VPS53: variants seen among roughly 807,000 people sequenced by gnomAD.
The protein encoded by VPS53 is vacuolar protein sorting-associated protein 53 homolog.
VPS53 carries 70 observed loss-of-function variants against 107.0 expected under a neutral mutation model. The observed-to-expected ratio is 0.65, with a 90% confidence interval of 0.54 to 0.80. VPS53 has a LOEUF of 0.80. Among genes scored for constraint, VPS53 ranks in the 30% least tolerant of loss-of-function variants. VPS53 has a pLI of 0.00. For synonymous variants in VPS53, 409 were observed against 393.3 expected, an observed-to-expected ratio of 1.04 and a Z score of -0.47; for missense variants, 917 against 1,049.4, an observed-to-expected ratio of 0.87 and a Z score of 1.74.
At chr17:552,154 A>C (rs978128568) in intron 16 of VPS53, among the ~76,000 whole-genome samples, 2 of 152,182 alleles carry the variant, frequency 1.3e-5, no homozygotes, top group African/African-American at 4.8e-5. Flanking sequence ...AGGATATAGA[A>C]TCCCACGGTC....
intron 17 of VPS53, chr17:539,250 T>C (rs1910387033): frequency 6.6e-6 from 1 of 152,264 alleles, no homozygotes; most frequent in Non-Finnish European, 1.5e-5. Flanking sequence ...AAAGCAGCTC[T>C]GAAGCAAGAC....
chr17:545,742 C>G (rs1911131893), intron 17 of VPS53, among the ~76,000 whole-genome samples: 1 of 152,158 alleles, frequency 6.6e-6, no homozygotes. Flanking sequence ...ACACAGCCCT[C>G]AAGTTGTTCA....
chr17:647,802 T>C (rs973963822), intron 7 of VPS53, among the ~76,000 whole-genome samples: 5 of 152,128 alleles, frequency 3.3e-5, no homozygotes, highest in Admixed American at 2.0e-4. Context: ...AAGATTTTCA[T>C]GAAAATCCAA....
chr17:710,814 G>A (rs762668701), intron 1 of VPS53, among the ~76,000 whole-genome samples: 40 of 151,912 alleles, frequency 2.6e-4, no homozygotes, highest in Non-Finnish European at 4.3e-4. Flanking sequence ...TGGTGTTGGC[G>A]CACACCTGTA....
chr17:713,442 C>T (rs1312149682), intron 1 of VPS53, among the ~76,000 whole-genome samples: 1 of 151,668 alleles, frequency 6.6e-6, no homozygotes, highest in Non-Finnish European at 1.5e-5. Context: ...AGCCTGAGGT[C>T]AGGAGTTCAA....
intron 11 of VPS53, among the ~76,000 whole-genome samples, chr17:617,080 G>A (rs918258055): frequency 5.5e-4 from 83 of 152,262 alleles, no homozygotes; most frequent in African/African-American, 1.6e-3. Flanking sequence ...CCTATTTCCC[G>A]TCCGGTTATC....
intron 7 of VPS53, among the ~76,000 whole-genome samples, chr17:634,666 A>G (rs1456431601): frequency 1.3e-5 from 2 of 151,210 alleles, no homozygotes; most frequent in Admixed American, 1.3e-4. Context: ...TGTCCTTGCA[A>G]TAGTTTGCTG....
At chr17:638,970 C>T (rs1970314126) in intron 7 of VPS53, among the ~76,000 whole-genome samples, 1 of 152,260 alleles carries the variant, frequency 6.6e-6, no homozygotes, top group African/African-American at 2.4e-5. Flanking sequence ...GCCTGCCTTG[C>T]TAGGTTGGGG....
intron 4 of VPS53, among the ~76,000 whole-genome samples, chr17:685,441 T>C (rs1972551041): frequency 6.6e-6 from 1 of 152,210 alleles, no homozygotes; most frequent in African/African-American, 2.4e-5. Flanking sequence ...ACTCTGTTTT[T>C]CACTTTCTGT....
At position 519,535 on chromosome 17, in the gene VPS53, G is replaced by A. The variant is rs1376573647; in HGVS notation, c.2329-237C>T. On this transcript the variant is annotated intron_variant, in intron 21 of 21. Coordinates refer to ENST00000437048, the MANE Select transcript of VPS53 (RefSeq NM_001128159.3). The surrounding 1 kb of genome is among the most constrained non-coding windows in gnomAD (Gnocchi z 5.0). The stretch of plus-strand genomic sequence containing the variant: ...AAGAAGCGGCTGACAGAGGAGAAAG[G>A]ACAGGTCAAGAAGGTGGGAAGGACA... 6.6e-6 allele frequency among the ~76,000 whole-genome samples: 1 copy of A among 152,172 alleles called. No individual in the cohort carries two copies. Among genetic ancestry groups the A allele is most frequent in the Non-Finnish European group, 1.5e-5 (1 of 68,028 alleles).
chr17:539,524 C>G (rs920934284), intron 17 of VPS53, among the ~76,000 whole-genome samples: 1 of 152,178 alleles, frequency 6.6e-6, no homozygotes, highest in African/African-American at 2.4e-5. Flanking sequence ...TACTAGAAAA[C>G]AATAAAAGGT....
chr17:562,796 A>C, intron 13 of VPS53, 51 bp from the exon 14 acceptor site: 1 of 1,579,340 alleles, frequency 6.3e-7, no homozygotes, highest in Non-Finnish European at 8.6e-7. Context: ...AAGAAAAGTA[A>C]AGCAAATGTG....
chr17:595,145 C>T (rs113083395), intron 12 of VPS53, among the ~76,000 whole-genome samples: 22 of 73,232 alleles, frequency 3.0e-4, no homozygotes, highest in African/African-American at 8.9e-4. Context: ...GGGGTCTGGA[C>T]CAATTTCCTC....
intron 17 of VPS53, among the ~76,000 whole-genome samples, chr17:545,598 G>C (rs149299805): frequency 1.3e-5 from 2 of 152,272 alleles, no homozygotes; most frequent in African/African-American, 4.8e-5. Context: ...CCAATCTTTG[G>C]TCAAAAGTGT....
intron 4 of VPS53, among the ~76,000 whole-genome samples, chr17:669,592 T>TAAAGA (rs1971850087): frequency 9.1e-6 from 1 of 110,234 alleles, no homozygotes. Context: ...TACTCTGTCT[T>TAAAGA]AAAAAAAAAA....
At chr17:654,817 T>TTTACCACCGCCTGGTC (rs1191192728) in intron 6 of VPS53, among the ~76,000 whole-genome samples, 3 of 151,620 alleles carry the variant, frequency 2.0e-5, no homozygotes, top group African/African-American at 7.3e-5. Context: ...ACCACCTGGT[T>TTTACCACCGCCTGGTC]TTACCACCGC....
intron 13 of VPS53, among the ~76,000 whole-genome samples, chr17:566,571 G>C (rs1471792500): frequency 6.6e-6 from 1 of 152,094 alleles, no homozygotes; most frequent in Non-Finnish European, 1.5e-5. Context: ...GGGAATGGAG[G>C]GTGGGAAGGT....
chr17:658,341 GGATA>G (rs1314466009), intron 5 of VPS53, among the ~76,000 whole-genome samples: 1 of 146,002 alleles, frequency 6.8e-6, no homozygotes, highest in Non-Finnish European at 1.5e-5. Flanking sequence ...GTGAGTTCGT[GGATA>G]GATACATCCC....
chr17:551,763 C>A, intron 17 of VPS53, 109 bp downstream of exon 17: 1 of 973,508 alleles, frequency 1.0e-6, no homozygotes, highest in Non-Finnish European at 1.4e-6. Context: ...TTCTCCTCAG[C>A]TGATCCTTTA....
Sources: gnomAD v4.1 joint callset for allele counts (sites outside exome capture counted in the v4.1 genomes callset) on GRCh38, gnomAD v4.1.1 for gene constraint, Gnocchi (gnomAD v3.1) non-coding constraint, MANE v1.5 for transcripts, NCBI Gene and HGNC (gene_info 2026-07-23, HGNC 2026-07-21) for gene names.